GALNT13: variants seen among roughly 807,000 people sequenced by gnomAD.
GALNT13 encodes UDP-GalNAc:polypeptide N-acetylgalactosaminyltransferase 13.
Under a neutral mutation model 64.2 loss-of-function variants are expected in GALNT13, and 28 were observed. That is an observed-to-expected ratio of 0.44 (90% CI 0.32 to 0.60). GALNT13 has a LOEUF of 0.60. Among genes scored for constraint, GALNT13 ranks in the 20% least tolerant of loss-of-function variants. GALNT13 has a pLI of 0.05. For missense variants in GALNT13, 577 were observed against 669.8 expected (o/e 0.86, Z 1.53); for synonymous variants, 214 against 224.6 (o/e 0.95, Z 0.42).
the GALNT13 span, among the ~76,000 whole-genome samples, chr2:153,557,859 T>G: frequency 6.6e-6 from 1 of 152,144 alleles, no homozygotes; most frequent in Non-Finnish European, 1.5e-5. Context: ...AGCTGCACCT[T>G]TATTCCCACA....
Position 154,175,419 on chromosome 2 carries a change from G to T in GALNT13, c.311+34914G>T, listed in dbSNP as rs193030601. On this transcript the variant is annotated intron_variant, in intron 4 of 12. Transcript: ENST00000392825. ...GGAGAAAGACATGAGCCTTTCTACT[G>T]TCTGAATAACCACATTTCCATACAG... is the stretch of plus-strand genomic sequence containing the variant. Among the ~76,000 whole-genome samples, 185 of 152,258 alleles carry T rather than the reference G, an allele frequency of 1.2e-3. 1 individual carries two copies. The highest frequency in any genetic ancestry group is 4.3e-3 in the African/African-American group (180 of 41,556).
chr2:154,016,234 A>G (rs1696996153), intron 3 of GALNT13, among the ~76,000 whole-genome samples: 1 of 152,192 alleles, frequency 6.6e-6, no homozygotes, highest in Non-Finnish European at 1.5e-5. Context: ...TTGGGACATT[A>G]CACAAAGTGA....
At chr2:153,566,348 G>GTTTTTTTTTTT in the GALNT13 span, among the ~76,000 whole-genome samples, 166 of 74,770 alleles carry the variant, frequency 2.2e-3, 9 homozygotes, top group East Asian at 8.8e-3. Context: ...TTCTAATCAC[G>GTTTTTTTTTTT]TTTTTTTTTT....
At chr2:153,393,853 C>A in the GALNT13 span, among the ~76,000 whole-genome samples, 3 of 152,010 alleles carry the variant, frequency 2.0e-5, no homozygotes, top group African/African-American at 7.2e-5. Flanking sequence ...GGTCTCCATC[C>A]TGCTAGCCAA....
chr2:153,256,238 C>G, the GALNT13 span, among the ~76,000 whole-genome samples: 6 of 151,690 alleles, frequency 4.0e-5, no homozygotes, highest in East Asian at 1.2e-3. Context: ...CGCTGATACC[C>G]TTTCTTCCAG....
chr2:154,359,203 G>T (rs1324609565), intron 9 of GALNT13, among the ~76,000 whole-genome samples: 2 of 152,074 alleles, frequency 1.3e-5, no homozygotes, highest in Non-Finnish European at 2.9e-5. Context: ...TCTAAATGAG[G>T]TTGAAACTAG....
the GALNT13 span, among the ~76,000 whole-genome samples, chr2:153,765,337 G>A: frequency 1.7e-3 from 253 of 152,274 alleles, 1 homozygote; most frequent in Middle Eastern, 0.014. Flanking sequence ...TTGCACCAGC[G>A]TGACCTGGAT....
the GALNT13 span, among the ~76,000 whole-genome samples, chr2:153,815,416 G>A: frequency 6.6e-6 from 1 of 152,124 alleles, no homozygotes; most frequent in African/African-American, 2.4e-5. Context: ...ACATTTGGGG[G>A]ATGTAAACTC....
At chr2:153,233,151 C>T in the GALNT13 span, among the ~76,000 whole-genome samples, 10 of 152,202 alleles carry the variant, frequency 6.6e-5, no homozygotes, top group South Asian at 2.1e-4. Context: ...GAAGCTTCCA[C>T]GTTAAAACTT....
At chr2:154,262,837 T>C (rs750460127) in intron 8 of GALNT13, among the ~76,000 whole-genome samples, 2 of 152,160 alleles carry the variant, frequency 1.3e-5, no homozygotes, top group Non-Finnish European at 2.9e-5. Context: ...GTTGAAATTT[T>C]AGACAAGAAC....
chr2:153,984,696 T>C (rs1345347130), intron 3 of GALNT13, among the ~76,000 whole-genome samples: 1 of 151,858 alleles, frequency 6.6e-6, no homozygotes, highest in Non-Finnish European at 1.5e-5. Context: ...GATGCCCTCC[T>C]CTCACCCCAA....
chr2:153,248,552 G>C, the GALNT13 span, among the ~76,000 whole-genome samples: 1 of 151,964 alleles, frequency 6.6e-6, no homozygotes, highest in African/African-American at 2.4e-5. Flanking sequence ...TGGTGGCTCA[G>C]CCTGTAATCC....
chr2:153,349,617 C>G, the GALNT13 span, among the ~76,000 whole-genome samples: 2 of 152,316 alleles, frequency 1.3e-5, no homozygotes, highest in East Asian at 3.9e-4. Context: ...TCTGAGAAAG[C>G]ACTCAGAGCT....
chr2:153,438,820 C>T, the GALNT13 span, among the ~76,000 whole-genome samples: 3 of 152,148 alleles, frequency 2.0e-5, no homozygotes, highest in Non-Finnish European at 4.4e-5. Context: ...CTTCTTCTCT[C>T]ATCAAAGTCT....
At chr2:153,545,144 G>A in the GALNT13 span, among the ~76,000 whole-genome samples, 6 of 152,146 alleles carry the variant, frequency 3.9e-5, no homozygotes. Context: ...TTAGATGTCT[G>A]TGTCTCTTTC....
At chr2:153,181,236 T>C in the GALNT13 span, among the ~76,000 whole-genome samples, 418 of 151,748 alleles carry the variant, frequency 2.8e-3, 7 homozygotes, top group East Asian at 0.064. Context: ...ATTTTTAAAT[T>C]TCTCTTTTAA....
At position 153,928,208 on chromosome 2, in the gene GALNT13, G is replaced by GT. The variant is rs1197204179; in HGVS notation, c.-104-16182dup. Among the ~76,000 whole-genome samples the GT allele has an allele frequency of 2.0e-5, 3 of 152,096 alleles. No homozygotes were observed. The East Asian group carries it at 5.8e-4, about 29-fold the overall frequency. The stretch of plus-strand genomic sequence containing the variant: ...TATTTTTCTACAAATAAATGCCCCT[G>GT]TTTTGAAATGGAAGCCTAGATAAGA... On this transcript the variant is annotated intron_variant, in intron 2 of 12. Coordinates refer to ENST00000392825, the MANE Select transcript of GALNT13 (RefSeq NM_052917.4).
intron 11 of GALNT13, among the ~76,000 whole-genome samples, chr2:154,420,753 A>G (rs1700213851): frequency 6.6e-6 from 1 of 152,112 alleles, no homozygotes; most frequent in Non-Finnish European, 1.5e-5. Context: ...ATATAACTTT[A>G]TCTTGGCTTA....
chr2:153,972,770 A>G (rs1233920789), intron 3 of GALNT13, among the ~76,000 whole-genome samples: 1 of 152,072 alleles, frequency 6.6e-6, no homozygotes, highest in Admixed American at 6.6e-5. Flanking sequence ...CCATATTATG[A>G]CATATATGTC....
Sources: allele counts gnomAD v4.1 joint callset (sites outside exome capture counted in the v4.1 genomes callset), GRCh38; gene constraint gnomAD v4.1.1; transcripts MANE v1.5; gene names NCBI Gene and HGNC (gene_info 2026-07-23, HGNC 2026-07-21).